The following RLF variants were observed in gnomAD, a reference collection of about 807,000 sequenced individuals.
The protein encoded by RLF is RLF zinc finger.
A neutral mutation model predicts 162.9 loss-of-function variants in RLF; 7 were observed. The observed-to-expected ratio is 0.04, with a 90% CI of 0.02 to 0.08. The LOEUF (loss-of-function observed/expected upper bound fraction) is 0.08, where lower values mean the gene tolerates loss of function less well. RLF is among the 10% of genes least tolerant of loss of function. The pLI, the probability that RLF is intolerant of heterozygous loss-of-function variation, is 1.00. For synonymous variants in RLF, 782 were observed against 791.5 expected (o/e 0.99, Z 0.20); for missense variants, 1,664 against 2,244.7 (o/e 0.74, Z 5.23).
At chr1:40,195,317 C>T (rs1238127744) in intron 3 of RLF, among the ~76,000 whole-genome samples, 2 of 151,828 alleles carry the variant, frequency 1.3e-5, no homozygotes, top group Non-Finnish European at 2.9e-5. Flanking sequence ...GGCGCGGTGA[C>T]AGACGCCTGT....
intron 5 of RLF, among the ~76,000 whole-genome samples, chr1:40,221,856 C>T (rs1372494590): frequency 3.5e-5 from 5 of 143,286 alleles, no homozygotes; most frequent in East Asian, 2.0e-4. Context: ...GCTGAGATCG[C>T]GCCACTGCAC....
intron 4 of RLF, 82 bp from the exon 5 acceptor site, chr1:40,202,327 TAAA>T (rs1642728739): frequency 1.2e-6 from 1 of 848,914 alleles, no homozygotes. Context: ...AAAAATCAAA[TAAA>T]AAGATCTCAA....
At chr1:40,169,101 A>C (rs1570511798) in intron 1 of RLF, among the ~76,000 whole-genome samples, 1 of 152,200 alleles carries the variant, frequency 6.6e-6, no homozygotes, top group Non-Finnish European at 1.5e-5. Flanking sequence ...TGAGGGACTG[A>C]ATAATTTATT....
chr1:40,224,029 A>G (rs1334682911), intron 6 of RLF, among the ~76,000 whole-genome samples: 1 of 152,252 alleles, frequency 6.6e-6, no homozygotes, highest in Non-Finnish European at 1.5e-5. Flanking sequence ...CATTATAGCT[A>G]GGTTTTCAGT....
intron 3 of RLF, among the ~76,000 whole-genome samples, chr1:40,191,461 C>T (rs1159232933): frequency 6.6e-6 from 1 of 151,930 alleles, no homozygotes; most frequent in African/African-American, 2.4e-5. Context: ...TCGCTTGAAC[C>T]CAGAAGGCAG....
chr1:40,169,433 G>A (rs572159325), intron 1 of RLF, among the ~76,000 whole-genome samples: 1 of 151,646 alleles, frequency 6.6e-6, no homozygotes, highest in African/African-American at 2.4e-5. Flanking sequence ...TGGCTAACAG[G>A]GTGAAACCCC....
At chr1:40,235,655 T>A in intron 7 of RLF, 137 bp from the exon 8 acceptor site, 3 of 623,160 alleles carry the variant, frequency 4.8e-6, no homozygotes, top group Non-Finnish European at 8.1e-6. Context: ...TATCTAAATG[T>A]AACTTTCATG....
At position 40,161,446 on chromosome 1, in the gene RLF, C is replaced by T. The variant is rs760264026; in HGVS notation, c.47C>T (p.Ala16Val). The T allele has an allele frequency of 2.1e-5, 33 of 1,577,674 alleles. No individual in the cohort carries two copies. Among genetic ancestry groups the T allele is most frequent in the Non-Finnish European group, 2.4e-5 (28 of 1,164,170 alleles). ...GDAAAVAGAGAEAPAVAGAGD... is the reference protein window; with the variant it reads ...GDAAAVAGAGVEAPAVAGAGD... ...GCCGCCGCTGTCGCCGGGGCTGGGG[C>T]TGAGGCTCCGGCGGTAGCGGGAGCC... The change falls in exon 1 of 8, where the codon GCT becomes GTT. Residue 16 changes from alanine (A) to valine (V), a missense_variant. By Grantham distance (64) the Ala-to-Val change is moderately conservative. Coordinates refer to ENST00000372771, the MANE Select transcript of RLF (RefSeq NM_012421.4). The surrounding 1 kb of genome is among the most constrained non-coding windows in gnomAD (Gnocchi z 4.4).
chr1:40,222,256 CAT>C (rs1214812061), intron 5 of RLF, among the ~76,000 whole-genome samples: 5 of 151,920 alleles, frequency 3.3e-5, no homozygotes, highest in African/African-American at 9.7e-5. Context: ...GAAAAAAAAA[CAT>C]AGTAATACTT....
intron 1 of RLF, among the ~76,000 whole-genome samples, chr1:40,173,892 C>T (rs1642280546): frequency 6.6e-6 from 1 of 152,276 alleles, no homozygotes; most frequent in African/African-American, 2.4e-5. Flanking sequence ...ATAATTAGAG[C>T]TATAGCCTAA....
intron 1 of RLF, chr1:40,177,938 T>C (rs1202482847): frequency 1.3e-5 from 2 of 152,852 alleles, no homozygotes; most frequent in African/African-American, 2.4e-5. Context: ...TTTTGAAGTG[T>C]TCTATATTTT....
chr1:40,233,741 C>T (rs546599594), intron 7 of RLF, among the ~76,000 whole-genome samples: 42 of 152,320 alleles, frequency 2.8e-4, no homozygotes, highest in African/African-American at 1.0e-3. Context: ...AAGCTAGAGT[C>T]TCAGCTCGTC....
intron 1 of RLF, among the ~76,000 whole-genome samples, chr1:40,164,489 T>C: frequency 6.6e-6 from 1 of 152,234 alleles, no homozygotes; most frequent in East Asian, 1.9e-4. Context: ...TAGGTCAAAC[T>C]GTATTCAGTG....
intron 6 of RLF, among the ~76,000 whole-genome samples, chr1:40,223,534 T>A (rs1304400553): frequency 6.6e-6 from 1 of 152,248 alleles, no homozygotes; most frequent in Non-Finnish European, 1.5e-5. Flanking sequence ...AAGGATGGCT[T>A]AAAATTGGAA....
chr1:40,195,065 C>T (rs1442309102), intron 3 of RLF, among the ~76,000 whole-genome samples: 2 of 151,494 alleles, frequency 1.3e-5, no homozygotes, highest in East Asian at 4.0e-4. Flanking sequence ...GAACTCCTGA[C>T]CTCAGATGGT....
chr1:40,209,195 ATG>A (rs1473162992), intron 5 of RLF, among the ~76,000 whole-genome samples: 3 of 152,198 alleles, frequency 2.0e-5, no homozygotes, highest in Non-Finnish European at 2.9e-5. Flanking sequence ...TAGGTAGAGT[ATG>A]TTTTTCACAA....
chr1:40,182,140 AAAAC>A (rs1642412683), intron 1 of RLF, among the ~76,000 whole-genome samples: 1 of 152,184 alleles, frequency 6.6e-6, no homozygotes, highest in Non-Finnish European at 1.5e-5. Flanking sequence ...GGCATTTAAA[AAAAC>A]CCTCAAGCGG....
intron 4 of RLF, among the ~76,000 whole-genome samples, chr1:40,196,883 A>T (rs993495124): frequency 1.3e-5 from 2 of 152,252 alleles, no homozygotes; most frequent in African/African-American, 4.8e-5. Flanking sequence ...ATTTTAGATC[A>T]CAAAAGTATC....
chr1:40,199,459 C>G (rs1642681233), intron 4 of RLF, among the ~76,000 whole-genome samples: 1 of 152,092 alleles, frequency 6.6e-6, no homozygotes, highest in Non-Finnish European at 1.5e-5. Flanking sequence ...TGGGTATAAC[C>G]TTTTTACAGA....
Sources: gnomAD v4.1 joint callset for allele counts (sites outside exome capture counted in the v4.1 genomes callset) on GRCh38, gnomAD v4.1.1 for gene constraint, Gnocchi (gnomAD v3.1) non-coding constraint, MANE v1.5 for transcripts, NCBI Gene and HGNC (gene_info 2026-07-23, HGNC 2026-07-21) for gene names.